Variants in CHD9 observed in about 807,000 individuals in gnomAD.
The protein encoded by CHD9 is chromodomain helicase DNA binding protein 9.
In CHD9, 77 loss-of-function variants were observed where a neutral mutation model predicts 316.1. That is an observed-to-expected ratio of 0.24 (90% CI 0.20 to 0.29). The LOEUF is 0.29. Among genes scored for constraint, CHD9 ranks in the 10% least tolerant of loss-of-function variants. CHD9 has a pLI of 1.00. For synonymous variants in CHD9, 1,129 were observed against 1,158.3 expected, an observed-to-expected ratio of 0.97 and a Z score of 0.51; for missense variants, 2,763 against 3,438.1, an observed-to-expected ratio of 0.80 and a Z score of 4.91.
chr16:53,245,853 A>G lies in CHD9; in HGVS notation c.3454+3A>G. On this transcript the variant is annotated splice_donor_region_variant and intron_variant, in intron 15 of 38. Coordinates refer to ENST00000447540, the MANE Select transcript of CHD9 (RefSeq NM_001308319.2). This position sits in a 1 kb window ranked among gnomAD's most constrained non-coding sequence, Gnocchi z 4.1. ...TAATCATCCATATCTTATAAAAGGT[A>G]GCTAAAAAAGATTACAACAAATATG... The G allele has an allele frequency of 6.7e-7, 1 of 1,486,842 alleles. No homozygotes were observed. Among genetic ancestry groups the G allele is most frequent in the Non-Finnish European group, 8.9e-7 (1 of 1,118,832 alleles). 92.1% of individuals were successfully genotyped at this position (1,486,842 alleles called of 1,614,324 possible).
intron 2 of CHD9, among the ~76,000 whole-genome samples, chr16:53,164,637 T>C (rs2042148780): frequency 6.6e-6 from 1 of 151,410 alleles, no homozygotes; most frequent in South Asian, 2.1e-4. Context: ...TTTTTGTTTT[T>C]TTTTTGGAGG....
intron 2 of CHD9, among the ~76,000 whole-genome samples, chr16:53,170,208 A>G (rs1477082933): frequency 2.0e-5 from 3 of 152,072 alleles, no homozygotes; most frequent in Non-Finnish European, 4.4e-5. Context: ...GGGGATTTTT[A>G]TATAAAAGAG....
At chr16:53,322,981 T>C (rs1384617552) in intron 38 of CHD9, among the ~76,000 whole-genome samples, 1 of 152,180 alleles carries the variant, frequency 6.6e-6, no homozygotes, top group African/African-American at 2.4e-5. Flanking sequence ...AAAAAATAAG[T>C]TGATTCAGTT....
chr16:53,157,333 T>G lies in CHD9; in HGVS notation c.1244T>G (p.Leu415Arg), dbSNP rs199866020. The change falls in exon 2 of 39, where the codon CTT becomes CGT. Residue 415 changes from leucine to arginine, a missense_variant. Physicochemically the swap from Leu to Arg is moderately radical, Grantham distance 102 (BLOSUM62 -2). Coordinates refer to ENST00000447540, the MANE Select transcript of CHD9 (RefSeq NM_001308319.2). ...GAGGACCTCCTTCAGGAGGGTCTTC[T>G]TCCTCACTTTGATGAGTCAACATTC... is the stretch of plus-strand genomic sequence containing the variant. ...DPEDLLQEGL[L>R]PHFDESTFGQ... The G allele has an allele frequency of 1.5e-5, 24 of 1,613,804 alleles. No individual in the cohort carries two copies. The Admixed American group carries it at 2.7e-4, about 18-fold the overall frequency.
chr16:53,177,835 C>T (rs2043189553), intron 2 of CHD9, among the ~76,000 whole-genome samples: 1 of 152,160 alleles, frequency 6.6e-6, no homozygotes, highest in South Asian at 2.1e-4. Flanking sequence ...CTCTGGAGTT[C>T]TACATCCAGA....
intron 33 of CHD9, 30 bp downstream of exon 33, chr16:53,307,983 G>T: frequency 6.5e-7 from 1 of 1,542,652 alleles, no homozygotes; most frequent in South Asian, 1.2e-5. Context: ...CCTAGGGCCT[G>T]ATTGCGATTG....
intron 33 of CHD9, 83 bp downstream of exon 33, chr16:53,308,036 A>T: frequency 8.3e-7 from 1 of 1,209,962 alleles, no homozygotes; most frequent in Non-Finnish European, 1.1e-6. Flanking sequence ...GCCTGCTCTT[A>T]CTCTTCCTTC....
At position 53,238,568 on chromosome 16, in the gene CHD9, G is replaced by A; in HGVS notation, c.2859G>A (p.Met953Ile). The change falls in exon 12 of 39, where the codon ATG becomes ATA. Residue 953 changes from methionine to isoleucine, a missense_variant. Physicochemically the swap from Met to Ile is conservative, Grantham distance 10 (BLOSUM62 1). This residue lies in a region of CHD9 where 186 missense variants were observed against 245.0 expected (regional missense o/e 0.76). Transcript: ENST00000447540. ...GACAAATGATACAGCAATACGAGAT[G>A]TACTTCAGGGATTCACAGGTGTGTT... ...ISRQMIQQYE[M>I]YFRDSQGRII... 6.2e-7 allele frequency: 1 copy of A among 1,613,192 alleles called. No homozygotes were observed. The highest frequency in any genetic ancestry group is 8.5e-7 in the Non-Finnish European group (1 of 1,179,376).
chr16:53,313,841 T>C (rs1257741784), intron 34 of CHD9, among the ~76,000 whole-genome samples: 1 of 151,406 alleles, frequency 6.6e-6, no homozygotes, highest in Non-Finnish European at 1.5e-5. Context: ...TAGTCCCAGC[T>C]ACTTGGGAGG....
At chr16:53,238,653 C>T (rs73599651) in intron 12 of CHD9, 67 bp downstream of exon 12, 36,988 of 1,458,668 alleles carry the variant, frequency 0.025, 579 homozygotes, top group South Asian at 0.058. Flanking sequence ...CATTACCTAC[C>T]AATTATTTTC....
intron 2 of CHD9, among the ~76,000 whole-genome samples, chr16:53,179,412 G>T (rs2043322377): frequency 6.6e-6 from 1 of 151,940 alleles, no homozygotes; most frequent in African/African-American, 2.4e-5. Context: ...ATTTAAAATT[G>T]TTGGAGCCAT....
intron 37 of CHD9, among the ~76,000 whole-genome samples, chr16:53,320,592 A>G (rs2057210301): frequency 6.6e-6 from 1 of 152,210 alleles, no homozygotes; most frequent in Non-Finnish European, 1.5e-5. Flanking sequence ...CTATCAAGAT[A>G]TAGTATTTAA....
Position 53,238,559 on chromosome 16 carries a change from A to G in CHD9, c.2850A>G (p.Gln950=). 6.2e-7 allele frequency: 1 copy of G among 1,613,328 alleles called. No homozygotes were observed. Among genetic ancestry groups the G allele is most frequent in the Non-Finnish European group, 8.5e-7 (1 of 1,179,422 alleles). The change falls in exon 12 of 39, where the codon CAA becomes CAG. Residue 950 remains glutamine (Q), a synonymous_variant. Transcript: ENST00000447540. The part of the protein sequence containing the change: ...GSLISRQMIQ[Q]YEMYFRDSQG... ...TGATTAGCAGACAAATGATACAGCA[A>G]TACGAGATGTACTTCAGGGATTCAC...
rs1294843541 is a variant in CHD9 at position 53,327,118 on chromosome 16, C to T, written c.*2223C>T. ...CATTGGGGAAAAGTTGTCCAGCTAT[C>T]AGCTAAGAAAACACATGCAAATATG... On this transcript the variant is annotated 3_prime_UTR_variant, in exon 39 of 39. Transcript: ENST00000447540. The T allele has an allele frequency of 6.6e-6, 1 of 152,298 alleles. No individual in the cohort carries two copies. The highest frequency in any genetic ancestry group is 2.4e-5 in the African/African-American group (1 of 41,448). The allele number at this position is 152,298 out of a possible 1,614,324, so 9.4% of individuals were successfully genotyped here.
intron 1 of CHD9, among the ~76,000 whole-genome samples, chr16:53,151,735 G>T (rs1354947747): frequency 6.6e-6 from 1 of 152,052 alleles, no homozygotes; most frequent in Non-Finnish European, 1.5e-5. Flanking sequence ...TTTCTATTTT[G>T]TTACTTTTAA....
intron 1 of CHD9, among the ~76,000 whole-genome samples, chr16:53,058,657 C>T (rs1567497658): frequency 6.6e-6 from 1 of 152,066 alleles, no homozygotes; most frequent in Non-Finnish European, 1.5e-5. Flanking sequence ...TCATTTCATC[C>T]GATTAGCACG....
rs980304309 is a variant in CHD9 at position 53,324,909 on chromosome 16, C to T, written c.*14C>T. 6.5e-7 allele frequency: 1 copy of T among 1,547,078 alleles called. No homozygotes were observed. The highest frequency in any genetic ancestry group is 8.7e-7 in the Non-Finnish European group (1 of 1,151,282). Reference sequence around the variant, plus strand: ...AATGAAGACTGATTCCCAGACTCTGCACTTAAAATATGAACTGATTTTGGA... The same window carrying T: ...AATGAAGACTGATTCCCAGACTCTGTACTTAAAATATGAACTGATTTTGGA... On this transcript the variant is annotated 3_prime_UTR_variant, in exon 39 of 39. Transcript: ENST00000447540.
At chr16:53,131,249 G>A (rs530585823) in intron 1 of CHD9, 3 of 150,460 alleles carry the variant, frequency 2.0e-5, no homozygotes, top group African/African-American at 4.9e-5. Flanking sequence ...GAGGCGGGGG[G>A]CGGCGGGGGC....
At chr16:53,255,479 C>A in intron 18 of CHD9, 121 bp from the exon 19 acceptor site, 1 of 742,928 alleles carries the variant, frequency 1.3e-6, no homozygotes, top group Non-Finnish European at 2.2e-6. Flanking sequence ...CTCTTATGCG[C>A]ATCCCAAACC....
Sources: gnomAD v4.1 joint callset for allele counts (sites outside exome capture counted in the v4.1 genomes callset) on GRCh38, gnomAD v4.1.1 for gene constraint, gnomAD v4.1.1 regional missense constraint, Gnocchi (gnomAD v3.1) non-coding constraint, MANE v1.5 for transcripts, NCBI Gene and HGNC (gene_info 2026-07-23, HGNC 2026-07-21) for gene names.